The following PTGFRN variants were observed in gnomAD, a reference collection of about 807,000 sequenced individuals.
The protein encoded by PTGFRN is prostaglandin F2 receptor inhibitor.
A neutral mutation model predicts 83.2 loss-of-function variants in PTGFRN; 35 were observed. The ratio of observed to expected loss-of-function variants is 0.42; its 90% CI spans 0.32 to 0.56. The LOEUF is 0.56. Among genes scored for constraint, PTGFRN ranks in the 20% least tolerant of loss-of-function variants. PTGFRN has a pLI of 0.11. For synonymous variants in PTGFRN, 519 were observed against 498.6 expected (o/e 1.04, Z -0.55); for missense variants, 1,051 against 1,179.5 (o/e 0.89, Z 1.60).
chr1:116,916,417 C>T (rs1341492886), intron 1 of PTGFRN, among the ~76,000 whole-genome samples: 7 of 152,210 alleles, frequency 4.6e-5, no homozygotes. Context: ...AGATGAGTTA[C>T]TTCTTGGAGC....
intron 7 of PTGFRN, among the ~76,000 whole-genome samples, chr1:116,976,491 C>T (rs1330699055): frequency 6.6e-6 from 1 of 152,194 alleles, no homozygotes. Context: ...GGGTTACCCA[C>T]AAAGGGAAGC....
chr1:116,945,923 A>G (rs1650190842), intron 3 of PTGFRN, among the ~76,000 whole-genome samples: 1 of 152,146 alleles, frequency 6.6e-6, no homozygotes, highest in African/African-American at 2.4e-5. Flanking sequence ...CCCTTGGGTC[A>G]GAGGTATTTG....
rs2101050814 is a variant in PTGFRN at position 116,918,156 on chromosome 1, TC to T, written c.49+7905del. Among the ~76,000 whole-genome samples the T allele has an allele frequency of 6.6e-6, 1 of 152,342 alleles. No homozygotes were observed. Among genetic ancestry groups the T allele is most frequent in the Admixed American group, 6.5e-5 (1 of 15,300 alleles). Reference sequence around the variant, plus strand: ...AACCATTACATGTGTGTTTTTAAAATCTACTTCTGTTCTTTATACCCTTCCA... The same window carrying T: ...AACCATTACATGTGTGTTTTTAAAATTACTTCTGTTCTTTATACCCTTCCA... On this transcript the variant is annotated intron_variant, in intron 1 of 8. Transcript: ENST00000393203. This position sits in a 1 kb window ranked among gnomAD's most constrained non-coding sequence, Gnocchi z 4.1.
rs1337507466 is a variant in PTGFRN, at chr1:116,952,263, G to A, written c.1213+2691G>A. ...TAGTTCTTGTCTTCATTTGCTTGGG[G>A]CTTGTGTACTGAGCTAGGTGAGGGG... On this transcript the variant is annotated intron_variant, in intron 4 of 8. Coordinates refer to ENST00000393203, the MANE Select transcript of PTGFRN (RefSeq NM_020440.4). The surrounding 1 kb of genome is among the most constrained non-coding windows in gnomAD (Gnocchi z 4.0). Among the ~76,000 whole-genome samples the A allele has an allele frequency of 6.6e-6, 1 of 152,108 alleles. No homozygotes were observed. The highest frequency in any genetic ancestry group is 1.5e-5 in the Non-Finnish European group (1 of 68,032).
chr1:116,925,837 C>T (rs892635140), intron 1 of PTGFRN, among the ~76,000 whole-genome samples: 2 of 152,160 alleles, frequency 1.3e-5, no homozygotes, highest in African/African-American at 2.4e-5. Flanking sequence ...TGGTTCTGCA[C>T]ACAGTAGGCG....
At chr1:116,936,986 TAAG>T (rs759775265) in intron 1 of PTGFRN, among the ~76,000 whole-genome samples, 2 of 152,162 alleles carry the variant, frequency 1.3e-5, no homozygotes, top group Non-Finnish European at 2.9e-5. Flanking sequence ...TAATAATTGA[TAAG>T]GAGAAAATTT....
chr1:116,953,114 G>A (rs191338000), intron 4 of PTGFRN, among the ~76,000 whole-genome samples: 259 of 152,306 alleles, frequency 1.7e-3, no homozygotes, highest in African/African-American at 5.6e-3. Context: ...ATTGGAAGGG[G>A]TTCCACAGGC....
intron 1 of PTGFRN, among the ~76,000 whole-genome samples, chr1:116,930,413 C>T (rs1046343994): frequency 3.3e-5 from 5 of 152,270 alleles, no homozygotes; most frequent in African/African-American, 1.2e-4. Flanking sequence ...TCATCGACTC[C>T]CACGTCTTCA....
rs183772777 is a variant in PTGFRN, at chr1:116,915,664, T to C, written c.49+5412T>C. The stretch of plus-strand genomic sequence containing the variant: ...TAGCGATGAGCTGCTGAGCTGATTT[T>C]CCCCCCGTAGATTGAATGTACATTT... On this transcript the variant is annotated intron_variant, in intron 1 of 8. Transcript: ENST00000393203. Among the ~76,000 whole-genome samples, 129 of 152,274 alleles carry C rather than the reference T, an allele frequency of 8.5e-4. 3 individuals are homozygous for C. The South Asian group carries it at 0.015, about 17-fold the overall frequency.
chr1:116,943,710 A>G (rs968366965), intron 2 of PTGFRN, among the ~76,000 whole-genome samples: 3 of 152,190 alleles, frequency 2.0e-5, no homozygotes, highest in Non-Finnish European at 2.9e-5. Context: ...GAAGGTCATT[A>G]TATTTATTTT....
At chr1:116,974,919 G>A (rs992849382) in intron 7 of PTGFRN, among the ~76,000 whole-genome samples, 3 of 152,200 alleles carry the variant, frequency 2.0e-5, no homozygotes, top group African/African-American at 7.2e-5. Flanking sequence ...GCCGAAGCAG[G>A]GCAAGGCATC....
In PTGFRN at chr1:116,986,915, T is replaced by C. The variant is rs747572385; in HGVS notation, c.2588T>C (p.Val863Ala). The change falls in exon 9 of 9, where the codon GTT (valine) becomes GCT (alanine). Residue 863 changes from valine to alanine, a missense_variant. Val to Ala is a moderately conservative substitution (Grantham distance 64, BLOSUM62 0). Coordinates refer to ENST00000393203, the MANE Select transcript of PTGFRN (RefSeq NM_020440.4). ...TCCCACTGGTGTTGTAAGAAGGAGG[T>C]TCAGGAGACACGGCGCGAGCGCCGC... ...CSSHWCCKKE[V>A]QETRRERRRL... The C allele has an allele frequency of 1.9e-5, 31 of 1,614,226 alleles. No homozygotes were observed. The highest frequency in any genetic ancestry group is 2.5e-5 in the Non-Finnish European group (30 of 1,180,032).
intron 1 of PTGFRN, among the ~76,000 whole-genome samples, chr1:116,934,706 A>G (rs963756407): frequency 6.6e-6 from 1 of 151,778 alleles, no homozygotes; most frequent in Non-Finnish European, 1.5e-5. Flanking sequence ...GTTTTTGTTT[A>G]TTTGGTTCTG....
chr1:116,920,180 A>T (rs928145853), intron 1 of PTGFRN, among the ~76,000 whole-genome samples: 1 of 152,222 alleles, frequency 6.6e-6, no homozygotes, highest in African/African-American at 2.4e-5. Context: ...TGTGTAGGCG[A>T]CTGCTGCCTG....
Position 116,984,948 on chromosome 1 carries a change from CCA to C in PTGFRN, c.2438_2439del (p.His813LeufsTer47). On this transcript the variant is annotated frameshift_variant, in exon 8 of 9. Transcript: ENST00000393203. LOFTEE classifies it high-confidence loss of function. ...TGSWQKEAEI[H>X]SKPVFITVKM... ...GTTCCTGGCAGAAGGAGGCAGAGAT[CCA>C]CTCCAAGCCCGTTTTTATAACTGTG... The C allele has an allele frequency of 1.2e-6, 2 of 1,614,078 alleles. No homozygotes were observed. Among genetic ancestry groups the C allele is most frequent in the Non-Finnish European group, 1.7e-6 (2 of 1,179,944 alleles).
chr1:116,947,344 A>T (rs190317525), intron 3 of PTGFRN, among the ~76,000 whole-genome samples: 10 of 152,328 alleles, frequency 6.6e-5, no homozygotes, highest in Admixed American at 5.9e-4. Context: ...ATATTCAGGG[A>T]CAGAGAACCT....
intron 1 of PTGFRN, among the ~76,000 whole-genome samples, chr1:116,919,586 C>T (rs369428037): frequency 1.3e-5 from 2 of 152,212 alleles, no homozygotes; most frequent in East Asian, 3.9e-4. Flanking sequence ...TTCATAGCCC[C>T]ATGAGAGTAG....
At chr1:116,979,444 G>A (rs1035931686) in intron 7 of PTGFRN, among the ~76,000 whole-genome samples, 7 of 152,316 alleles carry the variant, frequency 4.6e-5, no homozygotes, top group Non-Finnish European at 8.8e-5. Context: ...CAAAGCTGGA[G>A]GTATCACGCT....
chr1:116,938,464 G>T (rs1649977588), intron 1 of PTGFRN, among the ~76,000 whole-genome samples: 1 of 152,202 alleles, frequency 6.6e-6, no homozygotes, highest in South Asian at 2.1e-4. Context: ...GAGCGCTTGT[G>T]CAGGGAACCT....
Sources: allele counts gnomAD v4.1 joint callset (sites outside exome capture counted in the v4.1 genomes callset), GRCh38; gene constraint gnomAD v4.1.1; non-coding constraint Gnocchi (gnomAD v3.1); transcripts MANE v1.5; gene names NCBI Gene and HGNC (gene_info 2026-07-23, HGNC 2026-07-21).